Variants in LRFN5 observed in about 807,000 individuals in gnomAD.
LRFN5 encodes the protein leucine rich repeat and fibronectin type III domain containing 5.
In LRFN5, 24 loss-of-function variants were observed where a neutral mutation model predicts 45.6. That is an observed-to-expected ratio of 0.53 (90% CI 0.38 to 0.74). The LOEUF (loss-of-function observed/expected upper bound fraction) is 0.74, where lower values mean the gene tolerates loss of function less well. Ranked by LOEUF, LRFN5 falls within the 30% of genes least tolerant of loss-of-function variation. LRFN5 has a pLI of 0.00. For missense variants in LRFN5, 776 were observed against 861.5 expected, an observed-to-expected ratio of 0.90 and a Z score of 1.24; for synonymous variants, 340 against 313.8, an observed-to-expected ratio of 1.08 and a Z score of -0.88.
intron 1 of LRFN5, among the ~76,000 whole-genome samples, chr14:41,649,632 T>A (rs1291959994): frequency 6.6e-6 from 1 of 152,136 alleles, no homozygotes; most frequent in Non-Finnish European, 1.5e-5. Flanking sequence ...CAATATCTGA[T>A]CATCTTTGAT....
intron 1 of LRFN5, among the ~76,000 whole-genome samples, chr14:41,738,604 T>C (rs1884549459): frequency 1.3e-5 from 2 of 152,212 alleles, no homozygotes; most frequent in African/African-American, 4.8e-5. Flanking sequence ...TTCAATTCTC[T>C]TCTGGCCTGC....
At chr14:41,775,794 A>G (rs934997440) in intron 2 of LRFN5, among the ~76,000 whole-genome samples, 2 of 152,226 alleles carry the variant, frequency 1.3e-5, no homozygotes, top group African/African-American at 2.4e-5. Context: ...AAATAAAATT[A>G]TATGTAATTT....
chr14:41,733,207 T>C (rs1884258141), intron 1 of LRFN5, among the ~76,000 whole-genome samples: 3 of 152,154 alleles, frequency 2.0e-5, no homozygotes, highest in South Asian at 2.1e-4. Flanking sequence ...AAGACATAAA[T>C]ATAAGCAGCT....
chr14:41,855,811 A>C (rs1473064007), intron 2 of LRFN5, among the ~76,000 whole-genome samples: 1 of 152,170 alleles, frequency 6.6e-6, no homozygotes. Flanking sequence ...AAACTGTTTT[A>C]CCTCTTAGGA....
chr14:41,763,763 A>C (rs1211366819), intron 1 of LRFN5, among the ~76,000 whole-genome samples: 1 of 152,196 alleles, frequency 6.6e-6, no homozygotes. Flanking sequence ...AGGCCTCCCC[A>C]GCCATGTGGA....
At chr14:41,763,399 T>C (rs923996738) in intron 1 of LRFN5, among the ~76,000 whole-genome samples, 1 of 152,138 alleles carries the variant, frequency 6.6e-6, no homozygotes, top group Non-Finnish European at 1.5e-5. Context: ...CTGGAGGAGG[T>C]AATGATTCTC....
chr14:41,750,486 T>C (rs771939463), intron 1 of LRFN5, among the ~76,000 whole-genome samples: 10 of 151,912 alleles, frequency 6.6e-5, no homozygotes, highest in Admixed American at 5.3e-4. Flanking sequence ...CTTTGTAATA[T>C]TATTTTGAAG....
chr14:41,891,601 A>G lies in LRFN5; in HGVS notation c.1737A>G (p.Gln579=). The G allele has an allele frequency of 6.2e-7, 1 of 1,614,214 alleles. No individual in the cohort carries two copies. Among genetic ancestry groups the G allele is most frequent in the Non-Finnish European group, 8.5e-7 (1 of 1,180,038 alleles). ...CCCAAACTAACGGGGCTCAAATACA[A>G]GGCTGTAGTGTAACGCTGCCCCAGT... ...VYSQTNGAQI[Q]GCSVTLPQSV... is the part of the protein sequence containing the mutation. The change falls in exon 4 of 6, where the codon CAA becomes CAG. Residue 579 remains glutamine (Q), a synonymous_variant. Coordinates refer to ENST00000298119, the MANE Select transcript of LRFN5 (RefSeq NM_152447.5).
At chr14:41,726,698 C>A (rs1279462648) in intron 1 of LRFN5, among the ~76,000 whole-genome samples, 1 of 152,002 alleles carries the variant, frequency 6.6e-6, no homozygotes, top group East Asian at 1.9e-4. Flanking sequence ...TTCTCTGTTA[C>A]AGGTGGTTCA....
intron 1 of LRFN5, among the ~76,000 whole-genome samples, chr14:41,633,803 C>A (rs1888631834): frequency 6.6e-6 from 1 of 151,924 alleles, no homozygotes; most frequent in African/African-American, 2.4e-5. Context: ...TAATTATGTG[C>A]ACACCTAAAA....
intron 1 of LRFN5, among the ~76,000 whole-genome samples, chr14:41,715,039 G>T (rs1371412897): frequency 1.3e-5 from 2 of 152,074 alleles, no homozygotes; most frequent in African/African-American, 4.8e-5. Context: ...GTGGTGGAAG[G>T]TATGCAGAGG....
At chr14:41,810,039 A>C (rs1887683518) in intron 2 of LRFN5, among the ~76,000 whole-genome samples, 1 of 152,098 alleles carries the variant, frequency 6.6e-6, no homozygotes, top group South Asian at 2.1e-4. Flanking sequence ...CTTTCAAATA[A>C]TATGAAATTT....
chr14:41,849,687 G>T (rs1311786416), intron 2 of LRFN5, among the ~76,000 whole-genome samples: 1 of 152,008 alleles, frequency 6.6e-6, no homozygotes, highest in African/African-American at 2.4e-5. Flanking sequence ...TCTTGCCCTT[G>T]TGGGGTGGTT....
At chr14:41,890,706 C>CAA (rs541053292) in intron 3 of LRFN5, among the ~76,000 whole-genome samples, 23 of 60,572 alleles carry the variant, frequency 3.8e-4, no homozygotes, top group Middle Eastern at 0.011. Context: ...GACTCCGTCT[C>CAA]AAAAAAAAAA....
chr14:41,785,916 A>G (rs1886704057), intron 2 of LRFN5, among the ~76,000 whole-genome samples: 1 of 152,180 alleles, frequency 6.6e-6, no homozygotes, highest in Non-Finnish European at 1.5e-5. Context: ...CAAATGATGC[A>G]GAGCAGCTGT....
At chr14:41,757,139 C>T (rs1000568863) in intron 1 of LRFN5, among the ~76,000 whole-genome samples, 4 of 152,172 alleles carry the variant, frequency 2.6e-5, no homozygotes, top group Non-Finnish European at 5.9e-5. Flanking sequence ...GAGGAGTACC[C>T]GGCCGTGTGA....
At chr14:41,766,800 T>C (rs1225025769) in intron 1 of LRFN5, 54 bp from the exon 2 acceptor site, 1 of 152,574 alleles carries the variant, frequency 6.6e-6, no homozygotes. Context: ...TTTTCAAGGA[T>C]ACTTTATAAG....
chr14:41,646,654 G>C (rs1485546985), intron 1 of LRFN5, among the ~76,000 whole-genome samples: 1 of 151,658 alleles, frequency 6.6e-6, no homozygotes, highest in Non-Finnish European at 1.5e-5. Flanking sequence ...TTTTGTTTTT[G>C]ATTTTATGTT....
chr14:41,824,076 TTC>T (rs1284464688), intron 2 of LRFN5, among the ~76,000 whole-genome samples: 1 of 152,176 alleles, frequency 6.6e-6, no homozygotes, highest in African/African-American at 2.4e-5. Flanking sequence ...GAATTGTTTT[TTC>T]TGATTTCTTT....
Sources: allele counts gnomAD v4.1 joint callset (sites outside exome capture counted in the v4.1 genomes callset), GRCh38; gene constraint gnomAD v4.1.1; transcripts MANE v1.5; gene names NCBI Gene and HGNC (gene_info 2026-07-23, HGNC 2026-07-21).